The following UXS1 variants were observed in gnomAD, a reference collection of about 807,000 sequenced individuals.
UXS1 encodes UDP-glucuronic acid decarboxylase 1.
In UXS1, 33 loss-of-function variants were observed where a neutral mutation model predicts 62.6. The ratio of observed to expected loss-of-function variants is 0.53; its 90% CI spans 0.40 to 0.70. The LOEUF is 0.70. Among genes scored for constraint, UXS1 ranks in the 30% least tolerant of loss-of-function variants. UXS1 has a pLI of 0.00. For synonymous variants in UXS1, 213 were observed against 206.8 expected, an observed-to-expected ratio of 1.03 and a Z score of -0.26; for missense variants, 434 against 556.3, an observed-to-expected ratio of 0.78 and a Z score of 2.21.
At chr2:106,107,046 A>T (rs754710737) in intron 10 of UXS1, among the ~76,000 whole-genome samples, 1 of 151,772 alleles carries the variant, frequency 6.6e-6, no homozygotes, top group Non-Finnish European at 1.5e-5. Context: ...CTCCAACCTC[A>T]CTGTAGTGAG....
intron 6 of UXS1, chr2:106,139,009 T>A: frequency 2.9e-6 from 1 of 339,296 alleles, no homozygotes; most frequent in Non-Finnish European, 4.2e-6. Flanking sequence ...AAACAGTAAG[T>A]AACATTAATA....
rs79307993 is a variant in UXS1, at chr2:106,163,415, G to C, written c.230+252C>G. ...ATGCAGAAGTTCAAGGAAAATGTGAGGCCTGGCCTCAACTTCTATGTAATA... is the reference window on the plus strand; with the variant it reads ...ATGCAGAAGTTCAAGGAAAATGTGACGCCTGGCCTCAACTTCTATGTAATA... On this transcript the variant is annotated intron_variant, in intron 4 of 14. Transcript: ENST00000283148. Among the ~76,000 whole-genome samples the C allele has an allele frequency of 8.1e-3, 1,234 of 152,302 alleles. 5 individuals are homozygous for C. Among genetic ancestry groups the C allele is most frequent in the Non-Finnish European group, 0.015 (1,021 of 68,022 alleles).
chr2:106,177,684 T>A (rs990453972), intron 1 of UXS1, among the ~76,000 whole-genome samples: 2 of 152,222 alleles, frequency 1.3e-5, no homozygotes, highest in Non-Finnish European at 2.9e-5. Flanking sequence ...GAAGGCGCCA[T>A]CTATGAACAG....
At chr2:106,164,225 AAAGT>A (rs1319485721) in intron 3 of UXS1, among the ~76,000 whole-genome samples, 1 of 152,190 alleles carries the variant, frequency 6.6e-6, no homozygotes, top group African/African-American at 2.4e-5. Flanking sequence ...CTTCAAATCC[AAAGT>A]AAGTAACCTC....
At chr2:106,129,374 G>T (rs1185013323) in intron 7 of UXS1, among the ~76,000 whole-genome samples, 1 of 152,198 alleles carries the variant, frequency 6.6e-6, no homozygotes, top group East Asian at 1.9e-4. Context: ...GGCAGGCTGG[G>T]TGGTTGGTCA....
chr2:106,150,713 G>A (rs1681938683), intron 5 of UXS1, among the ~76,000 whole-genome samples: 1 of 152,210 alleles, frequency 6.6e-6, no homozygotes, highest in Admixed American at 6.5e-5. Flanking sequence ...AGGTGGCGGG[G>A]GGTAGGCAGA....
At chr2:106,183,064 G>T (rs995528475) in intron 1 of UXS1, among the ~76,000 whole-genome samples, 1 of 152,034 alleles carries the variant, frequency 6.6e-6, no homozygotes. Flanking sequence ...TTGCTGAGAA[G>T]CCCTGTTTAC....
intron 1 of UXS1, among the ~76,000 whole-genome samples, chr2:106,175,777 T>C (rs1335493676): frequency 1.3e-5 from 2 of 152,290 alleles, no homozygotes; most frequent in South Asian, 2.1e-4. Context: ...AACCTGGGTG[T>C]GGTCCCAGGC....
intron 7 of UXS1, 129 bp downstream of exon 7, chr2:106,129,545 C>T: frequency 1.3e-6 from 1 of 790,490 alleles, no homozygotes; most frequent in South Asian, 1.5e-5. Flanking sequence ...CCAAATACCA[C>T]AAGCAGGGCA....
chr2:106,181,188 G>C (rs546848219), intron 1 of UXS1, among the ~76,000 whole-genome samples: 1 of 152,226 alleles, frequency 6.6e-6, no homozygotes, highest in South Asian at 2.1e-4. Context: ...GTGAGGCTAA[G>C]CATCAGGGCC....
At chr2:106,143,253 C>T (rs983208442) in intron 6 of UXS1, among the ~76,000 whole-genome samples, 3 of 150,424 alleles carry the variant, frequency 2.0e-5, no homozygotes, top group Admixed American at 2.0e-4. Context: ...CTAAAAAATA[C>T]AAAAAATCAG....
intron 6 of UXS1, among the ~76,000 whole-genome samples, chr2:106,143,932 C>T (rs1681353547): frequency 1.3e-5 from 2 of 152,188 alleles, no homozygotes; most frequent in Admixed American, 6.5e-5. Flanking sequence ...CTGCCTTTGA[C>T]GGTTCATGTG....
At position 106,106,501 on chromosome 2, in the gene UXS1, T is replaced by C. The variant is rs76734437; in HGVS notation, c.880-1664A>G. Among the ~76,000 whole-genome samples the C allele has an allele frequency of 3.3e-4, 51 of 152,318 alleles. No homozygotes were observed. The East Asian group carries it at 9.6e-3, about 29-fold the overall frequency. Reference sequence around the variant, plus strand: ...ATTCCACAGGTGTATCAGTTCTATCTATGTAGGTTCTGTTCTTGGGGGGAA... The same window carrying C: ...ATTCCACAGGTGTATCAGTTCTATCCATGTAGGTTCTGTTCTTGGGGGGAA... On this transcript the variant is annotated intron_variant, in intron 10 of 14. Coordinates refer to ENST00000283148, the MANE Select transcript of UXS1 (RefSeq NM_001253875.2).
At chr2:106,158,991 A>C (rs1573536000) in intron 4 of UXS1, among the ~76,000 whole-genome samples, 1 of 152,130 alleles carries the variant, frequency 6.6e-6, no homozygotes, top group South Asian at 2.1e-4. Context: ...ATGATTTCAC[A>C]CCCAGCCAAT....
intron 14 of UXS1, among the ~76,000 whole-genome samples, chr2:106,094,826 G>A (rs1676943369): frequency 6.6e-6 from 1 of 152,214 alleles, no homozygotes; most frequent in Admixed American, 6.5e-5. Context: ...GGGGTGCTGG[G>A]GCACCACTGG....
rs200661844 is a variant in UXS1, at chr2:106,137,143, TAAAA to T, written c.473-7369_473-7366del. Among the ~76,000 whole-genome samples the T allele has an allele frequency of 6.6e-3, 1,006 of 152,250 alleles. 11 individuals carry two copies. The highest frequency in any genetic ancestry group is 0.023 in the African/African-American group (948 of 41,558). ...AGTTCGCTGAGAGGATCTGTCCAAG[TAAAA>T]GGAAATCCTGCGACTGCTGTTCCCA... On this transcript the variant is annotated intron_variant, in intron 6 of 14. Transcript: ENST00000283148.
At chr2:106,154,017 G>A (rs921070424) in intron 5 of UXS1, among the ~76,000 whole-genome samples, 28 of 152,188 alleles carry the variant, frequency 1.8e-4, no homozygotes, top group South Asian at 2.1e-4. Context: ...AAGGGCTTAT[G>A]CAACCCAAAG....
At chr2:106,188,538 C>G (rs911594396) in intron 1 of UXS1, among the ~76,000 whole-genome samples, 5 of 152,210 alleles carry the variant, frequency 3.3e-5, no homozygotes, top group Non-Finnish European at 7.3e-5. Flanking sequence ...GGGTCTCTGA[C>G]AGAGGAGCCC....
intron 11 of UXS1, chr2:106,102,106 C>T (rs1677645339): frequency 6.6e-6 from 1 of 152,130 alleles, no homozygotes; most frequent in Non-Finnish European, 1.5e-5. Flanking sequence ...CTGCGTTTTC[C>T]TTTACGACAA....
Sources: allele counts gnomAD v4.1 joint callset (sites outside exome capture counted in the v4.1 genomes callset), GRCh38; gene constraint gnomAD v4.1.1; transcripts MANE v1.5; gene names NCBI Gene and HGNC (gene_info 2026-07-23, HGNC 2026-07-21).